The following COL4A6 variants were observed in gnomAD, a reference collection of about 807,000 sequenced individuals.
COL4A6 encodes the protein collagen alpha-6(IV) chain.
Under a neutral mutation model 126.7 loss-of-function variants are expected in COL4A6, and 59 were observed. The ratio of observed to expected loss-of-function variants is 0.47; its 90% CI spans 0.38 to 0.58. COL4A6 has a LOEUF of 0.58. Among genes scored for constraint, COL4A6 ranks in the 20% least tolerant of loss-of-function variants. The probability of loss-of-function intolerance (pLI) is 0.00; values close to 1 mark genes in which losing one functional copy is unlikely to be tolerated. For synonymous variants in COL4A6, 547 were observed against 496.6 expected, an observed-to-expected ratio of 1.10 and a Z score of -1.35; for missense variants, 1,285 against 1,337.3, an observed-to-expected ratio of 0.96 and a Z score of 0.61.
At chrX:108,206,386 C>A in intron 9 of COL4A6, 132 bp downstream of exon 9, 2 of 638,298 alleles carry the variant, frequency 3.1e-6, no homozygotes, top group East Asian at 6.5e-5. Context: ...TACTTTAACC[C>A]TCCAAGAATG....
intron 2 of COL4A6, among the ~76,000 whole-genome samples, chrX:108,336,490 TGAG>T (rs2039434886): frequency 9.0e-6 from 1 of 111,196 alleles, no homozygotes; most frequent in Non-Finnish European, 1.9e-5. Context: ...GAGAGGTTAA[TGAG>T]GAGTAGTTGC....
At chrX:108,296,236 C>T (rs1166017329) in intron 3 of COL4A6, among the ~76,000 whole-genome samples, 4 of 112,404 alleles carry the variant, frequency 3.6e-5, no homozygotes, top group Non-Finnish European at 3.8e-5. Flanking sequence ...TTATGTTGTT[C>T]ACTCTGTCAA....
intron 2 of COL4A6, among the ~76,000 whole-genome samples, chrX:108,350,048 G>C (rs1341748620): frequency 1.8e-5 from 2 of 111,608 alleles, no homozygotes; most frequent in Non-Finnish European, 3.8e-5. Context: ...CTCCAAAAAA[G>C]ACTGCCCACA....
At chrX:108,384,090 C>T in intron 2 of COL4A6, 1 of 315,440 alleles carries the variant, frequency 3.2e-6, no homozygotes. Flanking sequence ...TACCCACCTA[C>T]TCATCCATTC....
intron 8 of COL4A6, among the ~76,000 whole-genome samples, chrX:108,209,437 G>A (rs1452536935): frequency 4.5e-5 from 5 of 111,441 alleles, no homozygotes; most frequent in Non-Finnish European, 9.4e-5. Flanking sequence ...TACAGGAAAG[G>A]GAAAGAAAGA....
At chrX:108,351,787 C>T (rs2039853725) in intron 2 of COL4A6, among the ~76,000 whole-genome samples, 1 of 111,284 alleles carries the variant, frequency 9.0e-6, no homozygotes, top group Non-Finnish European at 1.9e-5. Context: ...AAAGAAAAAA[C>T]ATCGAAGCTG....
At chrX:108,270,273 A>G (rs1244476774) in intron 3 of COL4A6, among the ~76,000 whole-genome samples, 2 of 112,216 alleles carry the variant, frequency 1.8e-5, no homozygotes, top group Non-Finnish European at 3.8e-5. Flanking sequence ...TCCATAAAAG[A>G]GGTGGAGTAT....
chrX:108,156,943 T>G lies in COL4A6; in HGVS notation c.*57A>C. On this transcript the variant is annotated 3_prime_UTR_variant, in exon 45 of 45. Transcript: ENST00000334504. ...TCCTTCTTCAGACCATTCAGGTTTG[T>G]GAGGTGACTGTTGTGAGGGGCAGGG... The G allele has an allele frequency of 1.8e-6, 2 of 1,113,973 alleles. No individual in the cohort carries two copies. The highest frequency in any genetic ancestry group is 2.5e-6 in the Non-Finnish European group (2 of 816,117). The allele number at this position is 1,113,973 out of a possible 1,213,427, so 91.8% of individuals were successfully genotyped here. A position where few individuals can be genotyped will look rare whatever the true frequency, so the allele number is the denominator to read the frequency against.
chrX:108,167,987 A>G lies in COL4A6; in HGVS notation c.3691+1508T>C, dbSNP rs149030338. ...TCCTTTTTCTTCAGTTTGACCATGT[A>G]TATCTCTAAACAATGTATTGGTTGG... is the stretch of plus-strand genomic sequence containing the variant. On this transcript the variant is annotated intron_variant, in intron 37 of 44. Coordinates refer to ENST00000334504, the MANE Select transcript of COL4A6 (RefSeq NM_033641.4). Among the ~76,000 whole-genome samples the G allele has an allele frequency of 4.4e-3, 485 of 111,258 alleles. 3 individuals carry two copies. The highest frequency in any genetic ancestry group is 0.015 in the African/African-American group (451 of 30,597).
chrX:108,386,831 G>C (rs2040709781), intron 2 of COL4A6, among the ~76,000 whole-genome samples: 1 of 111,971 alleles, frequency 8.9e-6, no homozygotes, highest in Non-Finnish European at 1.9e-5. Context: ...CTTTCTTCTA[G>C]GGTTTTTATG....
At chrX:108,374,114 A>G (rs1363772827) in intron 2 of COL4A6, among the ~76,000 whole-genome samples, 2 of 112,535 alleles carry the variant, frequency 1.8e-5, no homozygotes, top group Non-Finnish European at 3.7e-5. Context: ...CCAAAGCCCC[A>G]CAAACCAAAG....
intron 2 of COL4A6, among the ~76,000 whole-genome samples, chrX:108,319,635 A>G (rs962755952): frequency 1.7e-4 from 19 of 112,120 alleles, no homozygotes; most frequent in African/African-American, 6.2e-4. Context: ...GGATTTAGCA[A>G]TGTGGTGATC....
rs749279628 is a variant in COL4A6, at chrX:108,245,519, G to T, written c.145-24145C>A. On this transcript the variant is annotated intron_variant, in intron 3 of 44. Coordinates refer to ENST00000334504, the MANE Select transcript of COL4A6 (RefSeq NM_033641.4). ...CAAAGCAAAAGCTCGAGATTGCTAA[G>T]CCTGGAGTGAAAGTGGTAATCTGCC... 6.2e-5 allele frequency among the ~76,000 whole-genome samples: 7 copies of T among 112,064 alleles called. No individual in the cohort carries two copies. In the South Asian group the frequency reaches 2.3e-3, roughly 36 times the overall value.
At chrX:108,271,176 C>A (rs760790792) in intron 3 of COL4A6, among the ~76,000 whole-genome samples, 1 of 112,058 alleles carries the variant, frequency 8.9e-6, no homozygotes, top group Admixed American at 9.5e-5. Context: ...CAGCTCTCTT[C>A]CAAGCAACTG....
At chrX:108,295,909 T>C (rs1475641223) in intron 3 of COL4A6, among the ~76,000 whole-genome samples, 1 of 112,027 alleles carries the variant, frequency 8.9e-6, no homozygotes, top group Non-Finnish European at 1.9e-5. Context: ...GACATTCTGT[T>C]TTTAGTGGAA....
At chrX:108,414,405 A>C (rs1163453835) in intron 2 of COL4A6, among the ~76,000 whole-genome samples, 2 of 111,080 alleles carry the variant, frequency 1.8e-5, no homozygotes, top group Non-Finnish European at 3.8e-5. Flanking sequence ...ACCATACCAA[A>C]ACATCTGGAG....
At chrX:108,263,990 C>T (rs2037233567) in intron 3 of COL4A6, among the ~76,000 whole-genome samples, 1 of 111,431 alleles carries the variant, frequency 9.0e-6, no homozygotes, top group African/African-American at 3.3e-5. Context: ...ATTGAGTGGG[C>T]ATACAACTAC....
intron 3 of COL4A6, among the ~76,000 whole-genome samples, chrX:108,279,897 G>T (rs1429029203): frequency 9.0e-6 from 1 of 111,046 alleles, no homozygotes; most frequent in African/African-American, 3.3e-5. Flanking sequence ...ATGACTTCTG[G>T]GTACACAACG....
rs182740710 is a variant in COL4A6 at position 108,408,845 on chromosome X, C to G, written c.63+29097G>C. Among the ~76,000 whole-genome samples the G allele has an allele frequency of 1.0e-3, 112 of 111,171 alleles. 4 individuals are homozygous for G. In the East Asian group the frequency reaches 0.031, roughly 31 times the overall value. ...GTGTGGTGGCACATGCCTATAATCCCGGCTACTCAGGAGGCTGAGGCAGAA... is the reference window on the plus strand; with the variant it reads ...GTGTGGTGGCACATGCCTATAATCCGGGCTACTCAGGAGGCTGAGGCAGAA... On this transcript the variant is annotated intron_variant, in intron 2 of 44. Coordinates refer to ENST00000334504, the MANE Select transcript of COL4A6 (RefSeq NM_033641.4).
Sources: gnomAD v4.1 joint callset for allele counts (sites outside exome capture counted in the v4.1 genomes callset) on GRCh38, gnomAD v4.1.1 for gene constraint, MANE v1.5 for transcripts, NCBI Gene and HGNC (gene_info 2026-07-23, HGNC 2026-07-21) for gene names.